The following BEND7 variants were observed in gnomAD, a reference collection of about 807,000 sequenced individuals.
BEND7 encodes the protein BEN domain-containing protein 7.
Under a neutral mutation model 50.9 loss-of-function variants are expected in BEND7, and 28 were observed. The ratio of observed to expected loss-of-function variants is 0.55; its 90% CI spans 0.41 to 0.75. BEND7 has a LOEUF of 0.75. Among genes scored for constraint, BEND7 ranks in the 30% least tolerant of loss-of-function variants. BEND7 has a pLI of 0.00. For missense variants in BEND7, 477 were observed against 491.3 expected (o/e 0.97, Z 0.28); for synonymous variants, 170 against 183.9 (o/e 0.92, Z 0.61).
upstream of BEND7, chr10:13,529,058 G>C (rs1235514230): frequency 1.4e-5 from 2 of 145,308 alleles, no homozygotes; most frequent in Admixed American, 6.8e-5. Flanking sequence ...CGCGGGAGGA[G>C]GGGCGCCGGC....
chr10:13,464,381 G>C (rs2074016595), intron 6 of BEND7, among the ~76,000 whole-genome samples: 1 of 152,204 alleles, frequency 6.6e-6, no homozygotes, highest in Non-Finnish European at 1.5e-5. Flanking sequence ...GATGAAAAAG[G>C]ACATGTGAAA....
chr10:13,487,178 G>T (rs1396864949), intron 5 of BEND7, among the ~76,000 whole-genome samples: 1 of 152,084 alleles, frequency 6.6e-6, no homozygotes, highest in East Asian at 1.9e-4. Context: ...ATATCATACA[G>T]ATTTTTTCTA....
intron 5 of BEND7, among the ~76,000 whole-genome samples, chr10:13,492,235 G>A (rs945706219): frequency 6.6e-6 from 1 of 152,098 alleles, no homozygotes; most frequent in Non-Finnish European, 1.5e-5. Context: ...AGAAAGGTGC[G>A]ATCTTATCTG....
chr10:13,445,860 G>C (rs1370259511), intron 8 of BEND7: 1 of 152,178 alleles, frequency 6.6e-6, no homozygotes, highest in Non-Finnish European at 1.5e-5. Context: ...AGGGTGGGAG[G>C]GCACTTGGGA....
intron 2 of BEND7, among the ~76,000 whole-genome samples, chr10:13,506,600 A>G (rs1251992012): frequency 1.3e-5 from 2 of 152,196 alleles, no homozygotes; most frequent in African/African-American, 4.8e-5. Context: ...CTTTTCATAT[A>G]AGGATAGTAA....
At chr10:13,453,206 A>G (rs186876350) in intron 6 of BEND7, among the ~76,000 whole-genome samples, 243 of 152,290 alleles carry the variant, frequency 1.6e-3, no homozygotes, top group Middle Eastern at 3.4e-3. Flanking sequence ...GAACTGCCCG[A>G]TTCAGCACAA....
At chr10:13,439,347 G>C, downstream of BEND7, 5 of 1,614,146 alleles carry the variant, frequency 3.1e-6, no homozygotes, top group Non-Finnish European at 4.2e-6. Context: ...TCTGTCTCTG[G>C]TAAGGTTGTT....
chr10:13,459,510 G>A (rs1839775355), intron 6 of BEND7: 1 of 152,188 alleles, frequency 6.6e-6, no homozygotes, highest in Non-Finnish European at 1.5e-5. Context: ...CATACCTGTG[G>A]CATGTAAAAC....
Position 13,475,489 on chromosome 10 carries a change from A to C in BEND7, c.1063+5410T>G, listed in dbSNP as rs982085116. Among the ~76,000 whole-genome samples, 3 of 152,246 alleles carry C rather than the reference A, an allele frequency of 2.0e-5. No individual in the cohort carries two copies. The East Asian group carries it at 5.8e-4, about 29-fold the overall frequency. On this transcript the variant is annotated intron_variant, in intron 6 of 8. Coordinates refer to ENST00000466271, the MANE Select transcript of BEND7 (RefSeq NM_001369863.1). ...TATGTACTGAAGAGTCTCAGAAGTT[A>C]TCTCTTTCTTGATGGAAGGGATCAA...
intron 5 of BEND7, among the ~76,000 whole-genome samples, chr10:13,483,251 T>C (rs1220631662): frequency 6.6e-6 from 1 of 152,170 alleles, no homozygotes; most frequent in Non-Finnish European, 1.5e-5. Flanking sequence ...TGATTCATCC[T>C]GTGAACATGG....
intron 6 of BEND7, among the ~76,000 whole-genome samples, chr10:13,463,621 A>G (rs191164290): frequency 6.6e-6 from 1 of 152,330 alleles, no homozygotes; most frequent in East Asian, 1.9e-4. Context: ...TGATTATAAA[A>G]AATAAAACTT....
At chr10:13,486,019 C>A (rs1253251880) in intron 5 of BEND7, among the ~76,000 whole-genome samples, 1 of 152,042 alleles carries the variant, frequency 6.6e-6, no homozygotes, top group African/African-American at 2.4e-5. Flanking sequence ...GTAGCTTGGG[C>A]TACAAGTGCG....
chr10:13,502,365 T>C (rs2077534060), intron 2 of BEND7, among the ~76,000 whole-genome samples: 1 of 152,180 alleles, frequency 6.6e-6, no homozygotes, highest in South Asian at 2.1e-4. Context: ...ACAATATTGC[T>C]ATGTGTTGTT....
rs181238206 is a variant in BEND7 at position 13,514,605 on chromosome 10, C to T, written c.145+11533G>A. Among the ~76,000 whole-genome samples, 208 of 152,294 alleles carry T rather than the reference C, an allele frequency of 1.4e-3. 3 individuals carry two copies. The highest frequency in any genetic ancestry group is 4.7e-3 in the African/African-American group (194 of 41,560). ...CCAGGGAAGTTGGGTCGGACGTGGG[C>T]CACCCTGCTCTACCGTGTGCCGGCA... is the stretch of plus-strand genomic sequence containing the variant. On this transcript the variant is annotated intron_variant, in intron 2 of 8. Transcript: ENST00000466271.
At chr10:13,491,903 A>C (rs1299615264) in intron 5 of BEND7, among the ~76,000 whole-genome samples, 1 of 152,154 alleles carries the variant, frequency 6.6e-6, no homozygotes, top group African/African-American at 2.4e-5. Flanking sequence ...CAACAAGTTA[A>C]GGTTCACAAC....
intron 6 of BEND7, among the ~76,000 whole-genome samples, chr10:13,463,633 G>A (rs1052731343): frequency 6.6e-6 from 1 of 151,818 alleles, no homozygotes; most frequent in Non-Finnish European, 1.5e-5. Context: ...ATAAAACTTT[G>A]TTGGAAAAAA....
At chr10:13,480,396 C>A (rs2075771833) in intron 6 of BEND7, among the ~76,000 whole-genome samples, 1 of 152,110 alleles carries the variant, frequency 6.6e-6, no homozygotes, top group African/African-American at 2.4e-5. Context: ...GCGGGCCAGG[C>A]ATGTGTGGGG....
chr10:13,510,198 G>GA (rs1206660803), intron 2 of BEND7, among the ~76,000 whole-genome samples: 1 of 151,866 alleles, frequency 6.6e-6, no homozygotes, highest in Non-Finnish European at 1.5e-5. Context: ...TTCACAAGAA[G>GA]AAAAAAATGA....
chr10:13,470,653 T>A (rs779165586), intron 6 of BEND7, among the ~76,000 whole-genome samples: 14 of 152,170 alleles, frequency 9.2e-5, no homozygotes, highest in Admixed American at 1.3e-4. Context: ...GATCCCTTTT[T>A]TGAGCTTATG....
Sources: allele counts gnomAD v4.1 joint callset (sites outside exome capture counted in the v4.1 genomes callset), GRCh38; gene constraint gnomAD v4.1.1; transcripts MANE v1.5; gene names NCBI Gene and HGNC (gene_info 2026-07-23, HGNC 2026-07-21).